The following CDH1 variants were observed in gnomAD, a reference collection of about 807,000 sequenced individuals.
The protein encoded by CDH1 is cadherin-1.
Under a neutral mutation model 84.5 loss-of-function variants are expected in CDH1, and 35 were observed. That is an observed-to-expected ratio of 0.41 (90% CI 0.32 to 0.55). The LOEUF is 0.55. CDH1 is among the 20% of genes least tolerant of loss of function. The pLI is 0.19. For synonymous variants in CDH1, 417 were observed against 439.0 expected (o/e 0.95, Z 0.63); for missense variants, 994 against 1,126.6 (o/e 0.88, Z 1.68).
chr16:68,802,130 G>T (rs1381282082), intron 3 of CDH1, among the ~76,000 whole-genome samples: 1 of 152,182 alleles, frequency 6.6e-6, no homozygotes, highest in Non-Finnish European at 1.5e-5. Flanking sequence ...ATGGCCCCTG[G>T]GGGGACAAAT....
chr16:68,809,901 G>A (rs996417512), intron 5 of CDH1, among the ~76,000 whole-genome samples: 7 of 152,248 alleles, frequency 4.6e-5, no homozygotes, highest in South Asian at 2.1e-4. Context: ...AGTTTCACCC[G>A]GCATGGAATA....
intron 2 of CDH1, among the ~76,000 whole-genome samples, chr16:68,743,368 CT>C (rs1962635789): frequency 2.6e-5 from 3 of 116,136 alleles, no homozygotes; most frequent in Admixed American, 9.7e-5. Flanking sequence ...TCTTTCTTTT[CT>C]TTTCTTTCTT....
At chr16:68,804,759 C>T (rs908186352) in intron 3 of CDH1, among the ~76,000 whole-genome samples, 7 of 150,884 alleles carry the variant, frequency 4.6e-5, no homozygotes, top group Admixed American at 6.6e-5. Flanking sequence ...AGTCTTACCT[C>T]GCTTTCATTA....
At chr16:68,815,415 C>T in intron 9 of CDH1, 100 bp from the exon 10 acceptor site, 1 of 1,483,606 alleles carries the variant, frequency 6.7e-7, no homozygotes, top group Non-Finnish European at 9.2e-7. Flanking sequence ...TTTGCACCAA[C>T]CTAATATATT....
intron 10 of CDH1, among the ~76,000 whole-genome samples, chr16:68,816,309 G>T (rs565010117): frequency 6.6e-6 from 1 of 152,172 alleles, no homozygotes; most frequent in Admixed American, 6.5e-5. Flanking sequence ...ACCGCACCCA[G>T]CCCATAGTAT....
chr16:68,776,908 T>A lies in CDH1; in HGVS notation c.164-24762T>A, dbSNP rs574490886. Among the ~76,000 whole-genome samples the A allele has an allele frequency of 2.6e-5, 4 of 152,324 alleles. No homozygotes were observed. The South Asian group carries it at 6.2e-4, about 24-fold the overall frequency. On this transcript the variant is annotated intron_variant, in intron 2 of 15. Transcript: ENST00000261769. ...TCGGCCCATCTTATAGAGAGGAAAC[T>A]AAGGCTTAGAGAGGGTAAGTGACTT...
At chr16:68,782,316 C>A (rs930547568) in intron 2 of CDH1, among the ~76,000 whole-genome samples, 1 of 152,306 alleles carries the variant, frequency 6.6e-6, no homozygotes, top group African/African-American at 2.4e-5. Flanking sequence ...GGGGGCACTG[C>A]CTCTCCTTAG....
Position 68,804,362 on chromosome 16 carries a change from C to T in CDH1, c.387+2469C>T, listed in dbSNP as rs192813364. ...TCTCCTGACCTTGTGATCCACCTGC[C>T]TCGGCCTCCTAAAGTGCTGGGATTA... On this transcript the variant is annotated intron_variant, in intron 3 of 15. Transcript: ENST00000261769. Among the ~76,000 whole-genome samples, 4 of 152,088 alleles carry T rather than the reference C, an allele frequency of 2.6e-5. No homozygotes were observed. In the East Asian group the frequency reaches 7.8e-4, roughly 29 times the overall value.
At chr16:68,743,285 T>C (rs538034955) in intron 2 of CDH1, among the ~76,000 whole-genome samples, 5 of 3,096 alleles carry the variant, frequency 1.6e-3, no homozygotes, top group East Asian at 5.8e-3. Flanking sequence ...CTGGGTCTCT[T>C]TCTTTCTTTC....
At chr16:68,817,012 G>C (rs946339556) in intron 10 of CDH1, among the ~76,000 whole-genome samples, 2 of 152,190 alleles carry the variant, frequency 1.3e-5, no homozygotes, top group Non-Finnish European at 2.9e-5. Flanking sequence ...CAGATTCAGG[G>C]ACCAGGTCTT....
intron 2 of CDH1, among the ~76,000 whole-genome samples, chr16:68,775,531 A>C (rs1959708139): frequency 6.6e-6 from 1 of 151,970 alleles, no homozygotes; most frequent in Admixed American, 6.6e-5. Flanking sequence ...TTGTTCTCCC[A>C]CTTTGGATTC....
At chr16:68,832,541 C>T (rs568476633) in intron 15 of CDH1, among the ~76,000 whole-genome samples, 16 of 152,046 alleles carry the variant, frequency 1.1e-4, no homozygotes, top group East Asian at 3.9e-4. Flanking sequence ...AAGAAAAGGC[C>T]GGGTGCAGTG....
chr16:68,774,713 C>T (rs973660631), intron 2 of CDH1, among the ~76,000 whole-genome samples: 1 of 152,060 alleles, frequency 6.6e-6, no homozygotes, highest in African/African-American at 2.4e-5. Flanking sequence ...TGCTGGGGCC[C>T]TGGGCAGCAG....
rs377608384 is a variant in CDH1, at chr16:68,825,152, A to G, written c.2164+1526A>G. ...AAAGAAATGTTTAAAGATCATATAT[A>G]ATTAGTGACTGCAAGGGGTGGTCCA... On this transcript the variant is annotated intron_variant, in intron 13 of 15. Transcript: ENST00000261769. 3.0e-3 allele frequency among the ~76,000 whole-genome samples: 460 copies of G among 152,294 alleles called. 3 individuals carry two copies. The highest frequency in any genetic ancestry group is 0.011 in the African/African-American group (449 of 41,572).
At chr16:68,765,988 G>A (rs1186284836) in intron 2 of CDH1, among the ~76,000 whole-genome samples, 3 of 152,034 alleles carry the variant, frequency 2.0e-5, no homozygotes, top group African/African-American at 4.8e-5. Context: ...GGCCAGGCAC[G>A]GTGGCTCATG....
chr16:68,820,603 G>C (rs1023183573), intron 11 of CDH1, among the ~76,000 whole-genome samples: 1 of 152,094 alleles, frequency 6.6e-6, no homozygotes, highest in Non-Finnish European at 1.5e-5. Flanking sequence ...GCCCACCTTG[G>C]CCTCCCAGAG....
At chr16:68,813,526 C>G (rs775485941) in intron 9 of CDH1, 31 bp downstream of exon 9, 4 of 1,604,024 alleles carry the variant, frequency 2.5e-6, no homozygotes, top group African/African-American at 2.7e-5. Context: ...GATGCAGAAA[C>G]TGGCATCCTC....
chr16:68,783,746 G>T (rs1959955016), intron 2 of CDH1, among the ~76,000 whole-genome samples: 1 of 151,918 alleles, frequency 6.6e-6, no homozygotes, highest in Non-Finnish European at 1.5e-5. Context: ...GCATGATCTG[G>T]ACTCACTGCA....
At chr16:68,831,551 C>G (rs866604967) in intron 15 of CDH1, among the ~76,000 whole-genome samples, 1 of 110,068 alleles carries the variant, frequency 9.1e-6, no homozygotes, top group East Asian at 2.7e-4. Flanking sequence ...TTTTTATTTT[C>G]ATTTTTTGAG....
Sources: allele counts gnomAD v4.1 joint callset (sites outside exome capture counted in the v4.1 genomes callset), GRCh38; gene constraint gnomAD v4.1.1; transcripts MANE v1.5; gene names NCBI Gene and HGNC (gene_info 2026-07-23, HGNC 2026-07-21).